The following GSE1 variants were observed in gnomAD, a reference collection of about 807,000 sequenced individuals.
The protein encoded by GSE1 is genetic suppressor element 1.
Under a neutral mutation model 112.6 loss-of-function variants are expected in GSE1, and 32 were observed. The ratio of observed to expected loss-of-function variants is 0.28; its 90% CI spans 0.21 to 0.38. GSE1 has a LOEUF of 0.38. GSE1 is among the 10% of genes least tolerant of loss of function. The pLI, the probability that GSE1 is intolerant of heterozygous loss-of-function variation, is 1.00. For missense variants in GSE1, 2,348 were observed against 1,699.2 expected, an observed-to-expected ratio of 1.38 and a Z score of -6.71; for synonymous variants, 1,115 against 735.6, an observed-to-expected ratio of 1.52 and a Z score of -8.35.
At chr16:85,254,974 G>T (rs1906906527) in intron 1 of GSE1, among the ~76,000 whole-genome samples, 1 of 152,232 alleles carries the variant, frequency 6.6e-6, no homozygotes. Context: ...GTGATCCCCA[G>T]GCTGGGGAGA....
intron 2 of GSE1, among the ~76,000 whole-genome samples, chr16:85,533,087 T>C (rs781018766): frequency 6.6e-6 from 1 of 152,044 alleles, no homozygotes; most frequent in Non-Finnish European, 1.5e-5. Context: ...TGGAAGAAAA[T>C]GCTAGAACTC....
intron 2 of GSE1, among the ~76,000 whole-genome samples, chr16:85,486,898 G>T (rs2151885210): frequency 6.6e-6 from 1 of 152,340 alleles, no homozygotes; most frequent in South Asian, 2.1e-4. Context: ...GCTAAACATA[G>T]GCTGCAGGAT....
intron 2 of GSE1, among the ~76,000 whole-genome samples, chr16:85,436,069 C>T (rs890700515): frequency 6.6e-6 from 1 of 152,212 alleles, no homozygotes; most frequent in African/African-American, 2.4e-5. Context: ...AAGCTGTCTG[C>T]ATCATCGTAC....
At chr16:85,272,086 G>A (rs978910570) in intron 1 of GSE1, among the ~76,000 whole-genome samples, 5 of 152,336 alleles carry the variant, frequency 3.3e-5, no homozygotes, top group African/African-American at 7.2e-5. Context: ...CCCCAGACCC[G>A]TATCCTGCGT....
chr16:85,251,669 G>C lies in GSE1; in HGVS notation c.2283+79862G>C. On this transcript the variant is annotated intron_variant, in intron 1 of 2. Coordinates refer to the GSE1 transcript ENST00000637419. ...CGGTCAGACCCTGCCTGCTGGGCAC[G>C]TGCCCTCTTTCACACGCAGGCCTCT... 1.3e-5 allele frequency among the ~76,000 whole-genome samples: 2 copies of C among 152,234 alleles called. 1 individual carries two copies. Among genetic ancestry groups the C allele is most frequent in the Admixed American group, 1.3e-4 (2 of 15,288 alleles).
intron 2 of GSE1, among the ~76,000 whole-genome samples, chr16:85,413,073 C>T (rs565738824): frequency 5.0e-4 from 76 of 152,208 alleles, no homozygotes; most frequent in Non-Finnish European, 1.0e-3. Context: ...CCCCACGGAG[C>T]CCCTGCTGCT....
intron 1 of GSE1, among the ~76,000 whole-genome samples, chr16:85,586,620 G>A (rs1203840968): frequency 9.9e-5 from 15 of 152,178 alleles, no homozygotes; most frequent in Admixed American, 7.8e-4. Flanking sequence ...ACGTGCTCAC[G>A]GGCCCGACGC....
At chr16:85,416,791 C>T (rs2048712758) in intron 2 of GSE1, among the ~76,000 whole-genome samples, 1 of 152,366 alleles carries the variant, frequency 6.6e-6, no homozygotes, top group Non-Finnish European at 1.5e-5. Flanking sequence ...CGGGGCTTCT[C>T]AACCTTAGCC....
chr16:85,659,230 C>A (rs1398879309), intron 8 of GSE1: 1 of 152,182 alleles, frequency 6.6e-6, no homozygotes, highest in African/African-American at 2.4e-5. Flanking sequence ...AAACAGGGCT[C>A]CCGGGGCAGG....
chr16:85,561,500 C>T (rs2045520229), intron 1 of GSE1, among the ~76,000 whole-genome samples: 1 of 152,200 alleles, frequency 6.6e-6, no homozygotes, highest in East Asian at 1.9e-4. Context: ...CAGCCCCACA[C>T]TGAACTCTGG....
chr16:85,233,096 G>C (rs985463346), intron 1 of GSE1, among the ~76,000 whole-genome samples: 1 of 152,264 alleles, frequency 6.6e-6, no homozygotes, highest in South Asian at 2.1e-4. Context: ...AGGCCCCCCA[G>C]CTGGGCCTTG....
intron 1 of GSE1, among the ~76,000 whole-genome samples, chr16:85,211,163 C>T (rs919765238): frequency 2.0e-5 from 3 of 152,188 alleles, no homozygotes; most frequent in African/African-American, 4.8e-5. Flanking sequence ...AGGTTTGGAT[C>T]CCGACACCAC....
At chr16:85,509,817 A>G (rs2051671946) in intron 2 of GSE1, among the ~76,000 whole-genome samples, 1 of 151,740 alleles carries the variant, frequency 6.6e-6, no homozygotes, top group Non-Finnish European at 1.5e-5. Flanking sequence ...CCTCTGTCAG[A>G]GACTGCAGGA....
At chr16:85,522,378 C>T (rs1034176918) in intron 2 of GSE1, among the ~76,000 whole-genome samples, 42 of 151,462 alleles carry the variant, frequency 2.8e-4, no homozygotes, top group African/African-American at 9.7e-4. Flanking sequence ...GGATGCAGCT[C>T]TCCCTCCCCT....
At chr16:85,351,425 G>T (rs2046848187) in intron 1 of GSE1, among the ~76,000 whole-genome samples, 1 of 152,204 alleles carries the variant, frequency 6.6e-6, no homozygotes, top group African/African-American at 2.4e-5. Context: ...GGATTTGTAT[G>T]AAATGTCCAG....
chr16:85,647,874 C>T (rs568206619), intron 2 of GSE1, among the ~76,000 whole-genome samples: 15 of 152,272 alleles, frequency 9.9e-5, no homozygotes, highest in Admixed American at 5.2e-4. Context: ...CGGGAGCCAC[C>T]GCGCCCGGCC....
intron 8 of GSE1, among the ~76,000 whole-genome samples, chr16:85,660,376 C>G (rs183301036): frequency 6.6e-6 from 1 of 152,180 alleles, no homozygotes. Context: ...GTGGCTCACT[C>G]CTGTAATCCC....
intron 1 of GSE1, among the ~76,000 whole-genome samples, chr16:85,348,649 C>T (rs1270144362): frequency 6.6e-6 from 1 of 152,268 alleles, no homozygotes; most frequent in Non-Finnish European, 1.5e-5. Context: ...ACTTTCTGTC[C>T]GCTCAGCCTC....
At chr16:85,197,643 C>G (rs1234813155) in intron 1 of GSE1, among the ~76,000 whole-genome samples, 2 of 152,202 alleles carry the variant, frequency 1.3e-5, no homozygotes, top group Non-Finnish European at 1.5e-5. Flanking sequence ...CAATCCCTCT[C>G]TATGCTAGGA....
Sources: allele counts gnomAD v4.1 joint callset (sites outside exome capture counted in the v4.1 genomes callset), GRCh38; gene constraint gnomAD v4.1.1; transcripts MANE v1.5; gene names NCBI Gene and HGNC (gene_info 2026-07-23, HGNC 2026-07-21).